Variants in GRIA1 observed in about 807,000 individuals in gnomAD.
GRIA1 encodes the protein glutamate receptor 1.
Under a neutral mutation model 99.2 loss-of-function variants are expected in GRIA1, and 31 were observed. That is an observed-to-expected ratio of 0.31 (90% CI 0.23 to 0.42). The LOEUF (loss-of-function observed/expected upper bound fraction) is 0.42, where lower values mean the gene tolerates loss of function less well. Among genes scored for constraint, GRIA1 ranks in the 10% least tolerant of loss-of-function variants. The probability of loss-of-function intolerance (pLI) is 1.00; values close to 1 mark genes in which losing one functional copy is unlikely to be tolerated. For synonymous variants in GRIA1, 438 were observed against 432.4 expected, an observed-to-expected ratio of 1.01 and a Z score of -0.16; for missense variants, 782 against 1,157.5, an observed-to-expected ratio of 0.68 and a Z score of 4.71.
chr5:153,757,140 A>G (rs574446877), intron 11 of GRIA1, among the ~76,000 whole-genome samples: 84 of 152,286 alleles, frequency 5.5e-4, no homozygotes, highest in African/African-American at 1.8e-3. Context: ...AAAAATACAA[A>G]TTAATGAATT....
intron 2 of GRIA1, among the ~76,000 whole-genome samples, chr5:153,495,775 C>G (rs73282398): frequency 0.019 from 2,914 of 152,200 alleles, 88 homozygotes; most frequent in African/African-American, 0.064. Flanking sequence ...TAGAATAATA[C>G]TGAGTAGCTA....
In GRIA1 at chr5:153,802,345, C is replaced by G. The variant is rs1186384673; in HGVS notation, c.2386-11C>G. The stretch of plus-strand genomic sequence containing the variant: ...TCCCCCTCCCCTTCCTTTCCCTCCT[C>G]CTCTTCTTAGGACAAGACAAGCGCT... On this transcript the variant is annotated splice_polypyrimidine_tract_variant and intron_variant, in intron 14 of 15. Transcript: ENST00000285900. 6.2e-7 allele frequency: 1 copy of G among 1,613,490 alleles called. No individual in the cohort carries two copies. The highest frequency in any genetic ancestry group is 8.5e-7 in the Non-Finnish European group (1 of 1,179,670).
At chr5:153,603,960 T>G (rs1765229315) in intron 2 of GRIA1, among the ~76,000 whole-genome samples, 1 of 152,242 alleles carries the variant, frequency 6.6e-6, no homozygotes, top group Admixed American at 6.5e-5. Flanking sequence ...ACTATACATA[T>G]ACATGTATTT....
intron 14 of GRIA1, among the ~76,000 whole-genome samples, chr5:153,801,955 G>GGA (rs1554130090): frequency 6.8e-6 from 1 of 146,122 alleles, no homozygotes; most frequent in Non-Finnish European, 1.5e-5. Context: ...ATTGGGGCGG[G>GGA]GGGGGGCGGG....
At chr5:153,710,883 T>C (rs1392946000) in intron 11 of GRIA1, among the ~76,000 whole-genome samples, 1 of 152,210 alleles carries the variant, frequency 6.6e-6, no homozygotes, top group Non-Finnish European at 1.5e-5. Flanking sequence ...CAATAGATAA[T>C]ACAAGAAGTG....
intron 15 of GRIA1, among the ~76,000 whole-genome samples, chr5:153,805,658 G>T (rs1766376884): frequency 6.6e-6 from 1 of 152,178 alleles, no homozygotes; most frequent in Non-Finnish European, 1.5e-5. Flanking sequence ...TGCCAGAGTG[G>T]CTAATGCCTG....
intron 5 of GRIA1, among the ~76,000 whole-genome samples, chr5:153,668,102 T>C (rs1012822558): frequency 6.6e-6 from 1 of 152,174 alleles, no homozygotes; most frequent in Non-Finnish European, 1.5e-5. Context: ...TATTCCCCTC[T>C]TTGGGCCTCA....
chr5:153,507,569 T>C (rs368669311), intron 2 of GRIA1, among the ~76,000 whole-genome samples: 1 of 152,216 alleles, frequency 6.6e-6, no homozygotes, highest in Admixed American at 6.5e-5. Context: ...AACTTCTCCA[T>C]ATAATCAATA....
At chr5:153,687,546 G>A (rs1306557159) in intron 8 of GRIA1, among the ~76,000 whole-genome samples, 5 of 152,132 alleles carry the variant, frequency 3.3e-5, no homozygotes, top group African/African-American at 7.2e-5. Flanking sequence ...GCCACTAGCC[G>A]TATGTGGCTG....
chr5:153,811,039 C>A lies in GRIA1; in HGVS notation c.2535C>A (p.Ile845=). 1 of 1,613,924 alleles carries A rather than the reference C, an allele frequency of 6.2e-7. No homozygotes were observed. The highest frequency in any genetic ancestry group is 1.1e-5 in the South Asian group (1 of 91,060). The change falls in exon 16 of 16, where the codon ATC becomes ATA. Residue 845 remains isoleucine (I), a synonymous_variant. Coordinates refer to ENST00000285900, the MANE Select transcript of GRIA1 (RefSeq NM_000827.4). The part of the protein sequence containing the change: ...ESKRMKGFCL[I]PQQSINEAIR... Reference sequence around the variant, plus strand: ...CTCCTGAAAAGGGTTTTTGTTTGATCCCACAGCAATCCATCAACGAAGCCA... The same window carrying A: ...CTCCTGAAAAGGGTTTTTGTTTGATACCACAGCAATCCATCAACGAAGCCA...
intron 2 of GRIA1, among the ~76,000 whole-genome samples, chr5:153,563,257 T>C (rs1054392973): frequency 2.6e-5 from 4 of 152,114 alleles, no homozygotes; most frequent in Admixed American, 2.0e-4. Context: ...TTTAAGTCAG[T>C]CACTGAGACA....
chr5:153,808,979 T>G (rs1231914150), intron 15 of GRIA1, among the ~76,000 whole-genome samples: 1 of 152,240 alleles, frequency 6.6e-6, no homozygotes, highest in East Asian at 1.9e-4. Flanking sequence ...TAAGACAAAT[T>G]CAGGAAGTAC....
At chr5:153,656,418 TTTTA>T (rs1754970159) in intron 5 of GRIA1, among the ~76,000 whole-genome samples, 1 of 148,020 alleles carries the variant, frequency 6.8e-6, no homozygotes, top group Non-Finnish European at 1.5e-5. Flanking sequence ...TATATATTTG[TTTTA>T]ATGTACTACA....
chr5:153,622,012 T>G (rs1561699482), intron 2 of GRIA1, among the ~76,000 whole-genome samples: 3 of 152,200 alleles, frequency 2.0e-5, no homozygotes, highest in Non-Finnish European at 2.9e-5. Context: ...TGGCTTCTTC[T>G]CTAGCCAAGA....
intron 2 of GRIA1, among the ~76,000 whole-genome samples, chr5:153,585,301 T>TC (rs1763380670): frequency 1.7e-4 from 2 of 11,766 alleles, no homozygotes; most frequent in Non-Finnish European, 5.4e-4. Context: ...CTCTCTCTCT[T>TC]TTTTTTTTTT....
At chr5:153,780,609 T>G in intron 13 of GRIA1, among the ~76,000 whole-genome samples, 1 of 152,248 alleles carries the variant, frequency 6.6e-6, no homozygotes, top group South Asian at 2.1e-4. Flanking sequence ...GTGTTAATTA[T>G]CCTTATTTAA....
At chr5:153,730,768 G>A (rs1455652705) in intron 11 of GRIA1, among the ~76,000 whole-genome samples, 2 of 152,008 alleles carry the variant, frequency 1.3e-5, no homozygotes, top group Non-Finnish European at 1.5e-5. Context: ...ACTTCATAAC[G>A]TCCCGGACTA....
intron 2 of GRIA1, among the ~76,000 whole-genome samples, chr5:153,548,768 T>C (rs1268926298): frequency 6.6e-6 from 1 of 152,184 alleles, no homozygotes; most frequent in Non-Finnish European, 1.5e-5. Context: ...ACCCTCTTAT[T>C]ATGTTGCTAT....
At chr5:153,683,271 A>C (rs1234849472) in intron 7 of GRIA1, among the ~76,000 whole-genome samples, 3 of 152,314 alleles carry the variant, frequency 2.0e-5, no homozygotes, top group East Asian at 1.9e-4. Context: ...TTGCTCTGCC[A>C]TCATGGAATG....
Sources: gnomAD v4.1 joint callset for allele counts (sites outside exome capture counted in the v4.1 genomes callset) on GRCh38, gnomAD v4.1.1 for gene constraint, MANE v1.5 for transcripts, NCBI Gene and HGNC (gene_info 2026-07-23, HGNC 2026-07-21) for gene names.